The following MTO1 variants were observed in gnomAD, a reference collection of about 807,000 sequenced individuals.
The protein encoded by MTO1 is mitochondrial tRNA translation optimization 1.
Under a neutral mutation model 71.6 loss-of-function variants are expected in MTO1, and 46 were observed. The ratio of observed to expected loss-of-function variants is 0.64; its 90% CI spans 0.51 to 0.82. The LOEUF (loss-of-function observed/expected upper bound fraction) is 0.82. Ranked by LOEUF, MTO1 falls within the 40% of genes least tolerant of loss-of-function variation. The pLI is 0.00. For synonymous variants in MTO1, 297 were observed against 312.1 expected (o/e 0.95, Z 0.51); for missense variants, 773 against 867.5 (o/e 0.89, Z 1.37).
At position 73,461,832 on chromosome 6, in the gene MTO1, G is replaced by A. The variant is rs1271651466; in HGVS notation, c.-23G>A. The A allele has an allele frequency of 1.9e-6, 3 of 1,604,874 alleles. No homozygotes were observed. Among genetic ancestry groups the A allele is most frequent in the African/African-American group, 1.3e-5 (1 of 74,874 alleles). Reference sequence around the variant, plus strand: ...GACCGTCACTCGTGTCAGCTTCAAAGTCAGATAGATTTTTCTCCCAGCATG... The same window carrying A: ...GACCGTCACTCGTGTCAGCTTCAAAATCAGATAGATTTTTCTCCCAGCATG... On this transcript the variant is annotated 5_prime_UTR_variant, in exon 1 of 12. Coordinates refer to ENST00000498286, the MANE Select transcript of MTO1 (RefSeq NM_012123.4).
intron 3 of MTO1, 45 bp from the exon 4 acceptor site, chr6:73,473,320 A>G (rs377381796): frequency 2.0e-6 from 3 of 1,510,836 alleles, no homozygotes; most frequent in African/African-American, 1.4e-5. Context: ...ACATAAATAC[A>G]TAGATACATA....
Position 73,505,229 on chromosome 6 carries a change from A to C in MTO1, c.*4494A>C, listed in dbSNP as rs1772253947. The C allele has an allele frequency of 6.6e-6, 1 of 152,204 alleles. No homozygotes were observed. Among genetic ancestry groups the C allele is most frequent in the Non-Finnish European group, 1.5e-5 (1 of 68,078 alleles). The allele number at this position is 152,204 out of a possible 1,614,324, so 9.4% of individuals were successfully genotyped here. A position where few individuals can be genotyped will look rare whatever the true frequency, so the allele number is the denominator to read the frequency against. ...CATGTTCAAAGTAGCATTAATTCACAATAGCCAAAAGCTGGAAGTAGCCCA... is the reference window on the plus strand; with the variant it reads ...CATGTTCAAAGTAGCATTAATTCACCATAGCCAAAAGCTGGAAGTAGCCCA... On this transcript the variant is annotated 3_prime_UTR_variant, in exon 12 of 12. Transcript: ENST00000498286.
chr6:73,467,007 A>G (rs1245817453), intron 3 of MTO1, among the ~76,000 whole-genome samples: 1 of 152,136 alleles, frequency 6.6e-6, no homozygotes, highest in Non-Finnish European at 1.5e-5. Context: ...TCATGCATAT[A>G]ATTTTTTCTT....
intron 9 of MTO1, among the ~76,000 whole-genome samples, chr6:73,488,364 G>T (rs1219679208): frequency 6.6e-6 from 1 of 152,010 alleles, no homozygotes; most frequent in Non-Finnish European, 1.5e-5. Flanking sequence ...GTAGAGACAG[G>T]ATCTTGCTGT....
In MTO1 at chr6:73,502,330, GC is replaced by G. The variant is rs1438245428; in HGVS notation, c.*1596del. 6.6e-6 allele frequency: 1 copy of G among 152,142 alleles called. No homozygotes were observed. Among genetic ancestry groups the G allele is most frequent in the Non-Finnish European group, 1.5e-5 (1 of 68,084 alleles). 9.4% of individuals were successfully genotyped at this position (152,142 alleles called of 1,614,324 possible). A position where few individuals can be genotyped will look rare whatever the true frequency, so the allele number is the denominator to read the frequency against. On this transcript the variant is annotated 3_prime_UTR_variant, in exon 12 of 12. Transcript: ENST00000498286. Reference sequence around the variant, plus strand: ...GTGGTGGAGCAAGCCTGTAGTCCCAGCTACTCAGGAGGCTGAGGCAGGAGAA... The same window carrying G: ...GTGGTGGAGCAAGCCTGTAGTCCCAGTACTCAGGAGGCTGAGGCAGGAGAA...
Position 73,482,438 on chromosome 6 carries a change from C to G in MTO1, c.1466-11C>G. The G allele has an allele frequency of 6.2e-7, 1 of 1,601,542 alleles. No homozygotes were observed. The highest frequency in any genetic ancestry group is 1.1e-5 in the South Asian group (1 of 89,224). ...ACACTTCTCATTATATTCTCTTTCTCCCTTCCCTAGGGTATAAAGACGCTG... is the reference window on the plus strand; with the variant it reads ...ACACTTCTCATTATATTCTCTTTCTGCCTTCCCTAGGGTATAAAGACGCTG... On this transcript the variant is annotated splice_polypyrimidine_tract_variant and intron_variant, in intron 8 of 11. Transcript: ENST00000498286.
At chr6:73,485,651 C>T (rs753127079) in intron 9 of MTO1, among the ~76,000 whole-genome samples, 1 of 152,128 alleles carries the variant, frequency 6.6e-6, no homozygotes, top group Non-Finnish European at 1.5e-5. Context: ...CCGTGTTAGC[C>T]AGGATGGTCT....
chr6:73,500,775 A>C lies in MTO1; in HGVS notation c.*40A>C. 1 of 1,479,152 alleles carries C rather than the reference A, an allele frequency of 6.8e-7. No homozygotes were observed. The highest frequency in any genetic ancestry group is 9.1e-7 in the Non-Finnish European group (1 of 1,094,506). The allele number at this position is 1,479,152 out of a possible 1,614,324, so 91.6% of individuals were successfully genotyped here. On this transcript the variant is annotated 3_prime_UTR_variant, in exon 12 of 12. Transcript: ENST00000498286. ...AAGATTTTTAAAGAGCATATAAATA[A>C]TTTGATCAATACAACAGTATAGATA...
intron 11 of MTO1, 137 bp from the exon 12 acceptor site, chr6:73,500,437 T>A (rs1582703913): frequency 4.6e-6 from 3 of 654,182 alleles, no homozygotes; most frequent in Non-Finnish European, 6.9e-6. Flanking sequence ...CAAGGAAATA[T>A]GTTAAGATAA....
At chr6:73,479,610 C>A in intron 4 of MTO1, 122 bp from the exon 5 acceptor site, 1 of 660,412 alleles carries the variant, frequency 1.5e-6, no homozygotes, top group Non-Finnish European at 2.5e-6. Context: ...ATAAGTAATA[C>A]TAGGCATTAT....
chr6:73,493,861 A>G (rs1482230574), intron 10 of MTO1, among the ~76,000 whole-genome samples: 2 of 152,176 alleles, frequency 1.3e-5, no homozygotes, highest in Admixed American at 1.3e-4. Flanking sequence ...TGGTCAGTTT[A>G]TAGACCATCA....
Position 73,492,332 on chromosome 6 carries a change from C to T in MTO1, c.1736C>T (p.Ala579Val). 6.2e-7 allele frequency: 1 copy of T among 1,609,312 alleles called. No individual in the cohort carries two copies. The highest frequency in any genetic ancestry group is 8.5e-7 in the Non-Finnish European group (1 of 1,175,852). ...AAGTATACTAAATGTAGAGAGCTGG[C>T]TGAAAGACTGAAAATAGAAGGTAGA... ...LKKYTKCREL[A>V]ERLKIEATYE... The change falls in exon 10 of 12, where the codon GCT becomes GTT. Residue 579 changes from alanine to valine, a missense_variant. Ala to Val is a moderately conservative substitution (Grantham distance 64). Coordinates refer to ENST00000498286, the MANE Select transcript of MTO1 (RefSeq NM_012123.4).
At position 73,461,792 on chromosome 6, in the gene MTO1, T is replaced by TG. The variant is rs1029027615; in HGVS notation, c.-62dup. On this transcript the variant is annotated 5_prime_UTR_variant, in exon 1 of 12. An upstream open reading frame in the 5' UTR loses its in-frame stop. Transcript: ENST00000498286. Reference sequence around the variant, plus strand: ...CCGCGCCCTGCAGATTGTCTCTTGTTGCGTAAGTTTTTTTGACCGTCACTC... The same window carrying TG: ...CCGCGCCCTGCAGATTGTCTCTTGTTGGCGTAAGTTTTTTTGACCGTCACTC... 1 of 1,543,474 alleles carries TG rather than the reference T, an allele frequency of 6.5e-7. No individual in the cohort carries two copies. The highest frequency in any genetic ancestry group is 8.9e-7 in the Non-Finnish European group (1 of 1,124,114).
At chr6:73,471,419 A>T (rs1771158819) in intron 3 of MTO1, 1 of 446,682 alleles carries the variant, frequency 2.2e-6, no homozygotes, top group African/African-American at 2.0e-5. Flanking sequence ...TAAATTGTTT[A>T]TTTTTTTATT....
At chr6:73,473,814 T>G (rs1771227037) in intron 4 of MTO1, among the ~76,000 whole-genome samples, 160 bp downstream of exon 4, 1 of 146,428 alleles carries the variant, frequency 6.8e-6, no homozygotes, top group Non-Finnish European at 1.5e-5. Context: ...TGAGATAAGG[T>G]CTCACCTTGT....
intron 1 of MTO1, among the ~76,000 whole-genome samples, chr6:73,464,847 A>C (rs949483059): frequency 2.8e-4 from 42 of 149,642 alleles, no homozygotes; most frequent in Admixed American, 1.2e-3. Context: ...AAAAAAAAAA[A>C]AAAAAAAAAA....
intron 4 of MTO1, among the ~76,000 whole-genome samples, chr6:73,477,212 A>G (rs1771350618): frequency 6.6e-6 from 1 of 150,972 alleles, no homozygotes; most frequent in Admixed American, 6.6e-5. Flanking sequence ...CTTGGCCAAT[A>G]TGGTGAAACC....
At position 73,501,897 on chromosome 6, in the gene MTO1, A is replaced by G. The variant is rs150328286; in HGVS notation, c.*1162A>G. 7 of 152,348 alleles carry G rather than the reference A, an allele frequency of 4.6e-5. No individual in the cohort carries two copies. In the East Asian group the frequency reaches 9.6e-4, roughly 21 times the overall value. 9.4% of individuals were successfully genotyped at this position (152,348 alleles called of 1,614,324 possible). A position where few individuals can be genotyped will look rare whatever the true frequency, so the allele number is the denominator to read the frequency against. On this transcript the variant is annotated 3_prime_UTR_variant, in exon 12 of 12. Coordinates refer to ENST00000498286, the MANE Select transcript of MTO1 (RefSeq NM_012123.4). ...TGAGGCAACCAAGTATCTTGTTACTATAATTGCATATGGCCACTTGGAGGT... is the reference window on the plus strand; with the variant it reads ...TGAGGCAACCAAGTATCTTGTTACTGTAATTGCATATGGCCACTTGGAGGT...
rs372077081 is a variant in MTO1 at position 73,482,060 on chromosome 6, C to T, written c.1281C>T (p.Asn427=). 27 of 1,613,976 alleles carry T rather than the reference C, an allele frequency of 1.7e-5. No individual in the cohort carries two copies. The highest frequency in any genetic ancestry group is 1.2e-4 in the African/African-American group (9 of 74,910). Residue 427 remains asparagine, a synonymous_variant, in exon 8 of 12, where the codon AAC becomes AAT. Coordinates refer to ENST00000498286, the MANE Select transcript of MTO1 (RefSeq NM_012123.4). ...AAAQGVIAGI[N]ASLRVSRKPP... ...TGTAGGGTGTGATAGCCGGAATCAA[C>T]GCCAGTCTTCGGGTCAGTCGCAAGC...
Sources: gnomAD v4.1 joint callset for allele counts (sites outside exome capture counted in the v4.1 genomes callset) on GRCh38, gnomAD v4.1.1 for gene constraint, MANE v1.5 for transcripts, NCBI Gene and HGNC (gene_info 2026-07-23, HGNC 2026-07-21) for gene names.